CCDC178: variants seen among roughly 807,000 people sequenced by gnomAD.
CCDC178 encodes the protein coiled-coil domain containing 178.
In CCDC178, 126 loss-of-function variants were observed where a neutral mutation model predicts 117.4. That is an observed-to-expected ratio of 1.07 (90% CI 0.93 to 1.24). The LOEUF (loss-of-function observed/expected upper bound fraction) is 1.24. CCDC178 is among the 50% of genes most tolerant of loss of function. The probability of loss-of-function intolerance (pLI) is 0.00; values close to 1 mark genes in which losing one functional copy is unlikely to be tolerated. For missense variants in CCDC178, 1,030 were observed against 986.9 expected (o/e 1.04, Z -0.59); for synonymous variants, 283 against 313.4 (o/e 0.90, Z 1.02).
intron 15 of CCDC178, 152 bp from the exon 16 acceptor site, chr18:33,227,007 G>A (rs953458653): frequency 3.1e-6 from 1 of 326,912 alleles, no homozygotes; most frequent in African/African-American, 2.2e-5. Context: ...TTAAAATCCT[G>A]GTGTTTTTCG....
At chr18:33,184,643 T>C (rs1191254239) in intron 20 of CCDC178, among the ~76,000 whole-genome samples, 1 of 152,006 alleles carries the variant, frequency 6.6e-6, no homozygotes, top group Non-Finnish European at 1.5e-5. Context: ...TTAGTCTATT[T>C]TTGGGGGAAA....
intron 11 of CCDC178, among the ~76,000 whole-genome samples, chr18:33,313,610 G>A (rs568123422): frequency 6.6e-6 from 1 of 152,174 alleles, no homozygotes; most frequent in South Asian, 2.1e-4. Flanking sequence ...TTTATAACTG[G>A]GTTTGCAAAA....
intron 3 of CCDC178, among the ~76,000 whole-genome samples, chr18:33,400,398 T>C (rs907266855): frequency 1.3e-5 from 2 of 152,190 alleles, no homozygotes; most frequent in Non-Finnish European, 2.9e-5. Flanking sequence ...TCTAAGGCTG[T>C]TTTGCCTACA....
At chr18:33,218,502 T>C (rs1055403699) in intron 18 of CCDC178, among the ~76,000 whole-genome samples, 1 of 152,160 alleles carries the variant, frequency 6.6e-6, no homozygotes, top group African/African-American at 2.4e-5. Flanking sequence ...TTGCTTTTGG[T>C]GTTTTAGTCA....
intron 3 of CCDC178, among the ~76,000 whole-genome samples, chr18:33,397,815 C>A: frequency 6.6e-6 from 1 of 151,814 alleles, no homozygotes; most frequent in Admixed American, 6.6e-5. Context: ...TAAAAATATA[C>A]CCTAAAGACA....
At chr18:33,269,501 A>T (rs2144778227) in intron 12 of CCDC178, among the ~76,000 whole-genome samples, 1 of 151,922 alleles carries the variant, frequency 6.6e-6, no homozygotes, top group South Asian at 2.1e-4. Context: ...AACAAAAACT[A>T]CGGCAACGTT....
chr18:33,308,008 T>C (rs1011646519), intron 11 of CCDC178, among the ~76,000 whole-genome samples: 3 of 152,214 alleles, frequency 2.0e-5, no homozygotes, highest in African/African-American at 7.2e-5. Flanking sequence ...AGAAGAGGAA[T>C]GTGGGGTCAG....
intron 5 of CCDC178, among the ~76,000 whole-genome samples, chr18:33,373,925 T>C (rs1460096818): frequency 6.6e-6 from 1 of 152,144 alleles, no homozygotes; most frequent in Non-Finnish European, 1.5e-5. Flanking sequence ...TATAAGCAAC[T>C]CTAAATCTGG....
chr18:33,437,043 G>A (rs928041462), intron 2 of CCDC178, among the ~76,000 whole-genome samples: 1 of 152,104 alleles, frequency 6.6e-6, no homozygotes, highest in Non-Finnish European at 1.5e-5. Flanking sequence ...AGTACAAACC[G>A]AGCAAATGGA....
At chr18:33,165,075 C>T (rs901343540) in intron 20 of CCDC178, among the ~76,000 whole-genome samples, 4 of 152,122 alleles carry the variant, frequency 2.6e-5, no homozygotes, top group East Asian at 1.9e-4. Flanking sequence ...TTTGGAAGGA[C>T]GTCAAGCTCT....
intron 3 of CCDC178, among the ~76,000 whole-genome samples, chr18:33,407,263 C>T (rs1040736172): frequency 6.6e-6 from 1 of 152,070 alleles, no homozygotes; most frequent in Non-Finnish European, 1.5e-5. Context: ...TGATTTGACT[C>T]TCCAATCCTT....
chr18:33,113,855 C>T (rs1338094024), intron 20 of CCDC178, among the ~76,000 whole-genome samples: 2 of 151,994 alleles, frequency 1.3e-5, no homozygotes, highest in African/African-American at 4.8e-5. Flanking sequence ...TAAAAGAATG[C>T]TTCACCTTAG....
At chr18:33,014,565 C>T (rs2144808667) in intron 21 of CCDC178, among the ~76,000 whole-genome samples, 2 of 152,288 alleles carry the variant, frequency 1.3e-5, no homozygotes, top group East Asian at 3.9e-4. Context: ...TTTCTTACTG[C>T]TGTTTTTTCT....
At chr18:33,258,912 T>C (rs748388906) in intron 14 of CCDC178, among the ~76,000 whole-genome samples, 8 of 152,276 alleles carry the variant, frequency 5.3e-5, no homozygotes, top group Non-Finnish European at 8.8e-5. Flanking sequence ...TTTTATACAA[T>C]GTAACAAGTT....
chr18:33,043,870 G>T (rs563747872), intron 21 of CCDC178, among the ~76,000 whole-genome samples: 1 of 151,598 alleles, frequency 6.6e-6, no homozygotes, highest in Non-Finnish European at 1.5e-5. Context: ...ATTTCTCGCC[G>T]TAATAGTTTA....
rs2064122162 is a variant in CCDC178, at chr18:33,426,156, ACCTCAG to A, written c.-23+13800_-23+13805del. Among the ~76,000 whole-genome samples the A allele has an allele frequency of 3.9e-5, 6 of 152,288 alleles. No homozygotes were observed. The South Asian group carries it at 1.2e-3, about 32-fold the overall frequency. ...GATCTCCTGACTTCGTGATCCGCCC[ACCTCAG>A]GTTCCTGAAGTGCTGGGATTACAGG... On this transcript the variant is annotated intron_variant, in intron 2 of 22. Transcript: ENST00000383096.
chr18:33,070,806 T>C (rs946438488), intron 21 of CCDC178, among the ~76,000 whole-genome samples: 1 of 152,060 alleles, frequency 6.6e-6, no homozygotes, highest in Non-Finnish European at 1.5e-5. Flanking sequence ...TATGTATCAA[T>C]ACAAATTGGT....
At chr18:33,286,295 A>G (rs949545326) in intron 12 of CCDC178, among the ~76,000 whole-genome samples, 1 of 152,120 alleles carries the variant, frequency 6.6e-6, no homozygotes, top group Admixed American at 6.5e-5. Context: ...ATTTTTCTAA[A>G]TGTTATCCTA....
At chr18:33,379,921 G>A (rs1364627536) in intron 5 of CCDC178, among the ~76,000 whole-genome samples, 3 of 152,206 alleles carry the variant, frequency 2.0e-5, no homozygotes, top group Admixed American at 6.5e-5. Flanking sequence ...TAATCCAGGT[G>A]AGGGTGTATT....
Sources: gnomAD v4.1 joint callset for allele counts (sites outside exome capture counted in the v4.1 genomes callset) on GRCh38, gnomAD v4.1.1 for gene constraint, MANE v1.5 for transcripts, NCBI Gene and HGNC (gene_info 2026-07-23, HGNC 2026-07-21) for gene names.